Variants in CMIP observed in about 807,000 individuals in gnomAD.
The protein encoded by CMIP is c-Maf inducing protein.
In CMIP, 13 loss-of-function variants were observed where a neutral mutation model predicts 97.3. The observed-to-expected ratio is 0.13, with a 90% confidence interval of 0.09 to 0.21. The LOEUF (loss-of-function observed/expected upper bound fraction) is 0.21, where lower values mean the gene tolerates loss of function less well. CMIP is among the 10% of genes least tolerant of loss of function. The pLI is 1.00. For synonymous variants in CMIP, 538 were observed against 436.3 expected (o/e 1.23, Z -2.91); for missense variants, 847 against 1,024.9 (o/e 0.83, Z 2.37).
At chr16:81,487,996 C>T (rs898771742) in intron 1 of CMIP, among the ~76,000 whole-genome samples, 2 of 152,198 alleles carry the variant, frequency 1.3e-5, no homozygotes, top group Non-Finnish European at 2.9e-5. Flanking sequence ...GATGCCCTGG[C>T]AGCCTCGCAT....
intron 1 of CMIP, among the ~76,000 whole-genome samples, chr16:81,549,548 G>T (rs938167621): frequency 2.0e-5 from 3 of 151,770 alleles, no homozygotes; most frequent in Non-Finnish European, 3.0e-5. Context: ...TGTTGGGGGC[G>T]GGGGGCGGAG....
At position 81,652,606 on chromosome 16, in the gene CMIP, G is replaced by A. The variant is rs140429699; in HGVS notation, c.639+242G>A. On this transcript the variant is annotated intron_variant, in intron 4 of 20. Coordinates refer to ENST00000537098, the MANE Select transcript of CMIP (RefSeq NM_198390.3). This position sits in a 1 kb window ranked among gnomAD's most constrained non-coding sequence, Gnocchi z 5.2. ...GGCACCGAAGAGGAGGTGTTGCCCCGTGCAGTGAGAGCCAGTAGTCCCATC... is the reference window on the plus strand; with the variant it reads ...GGCACCGAAGAGGAGGTGTTGCCCCATGCAGTGAGAGCCAGTAGTCCCATC... Among the ~76,000 whole-genome samples the A allele has an allele frequency of 3.7e-4, 57 of 152,248 alleles. No homozygotes were observed. In the East Asian group the frequency reaches 6.0e-3, roughly 16 times the overall value.
At chr16:81,559,577 C>T (rs1256082533) in intron 1 of CMIP, among the ~76,000 whole-genome samples, 3 of 152,202 alleles carry the variant, frequency 2.0e-5, no homozygotes, top group African/African-American at 7.2e-5. Context: ...ATTCCTGTCA[C>T]CTACTCATGC....
intron 3 of CMIP, among the ~76,000 whole-genome samples, chr16:81,622,410 G>C (rs762670428): frequency 6.6e-6 from 1 of 152,176 alleles, no homozygotes; most frequent in Non-Finnish European, 1.5e-5. Flanking sequence ...GCCCGGGTAC[G>C]AGTGTGTCTG....
intron 1 of CMIP, among the ~76,000 whole-genome samples, chr16:81,503,994 A>T (rs2089658801): frequency 6.6e-6 from 1 of 152,208 alleles, no homozygotes; most frequent in South Asian, 2.1e-4. Flanking sequence ...TGGAGAGGTG[A>T]GGCTTGGGAA....
rs185864914 is a variant in CMIP at position 81,670,885 on chromosome 16, G to T, written c.929+640G>T. On this transcript the variant is annotated intron_variant, in intron 8 of 20. Transcript: ENST00000537098. Reference sequence around the variant, plus strand: ...GCTCTGTCACCCAGGCTGGAGTGCAGTGGCTCAGTCTCGGCTTACTGCAAC... The same window carrying T: ...GCTCTGTCACCCAGGCTGGAGTGCATTGGCTCAGTCTCGGCTTACTGCAAC... Among the ~76,000 whole-genome samples, 83 of 152,278 alleles carry T rather than the reference G, an allele frequency of 5.5e-4. 1 individual carries two copies. The East Asian group carries it at 0.014, about 26-fold the overall frequency.
At chr16:81,522,153 C>T (rs182204377) in intron 1 of CMIP, among the ~76,000 whole-genome samples, 30 of 152,336 alleles carry the variant, frequency 2.0e-4, no homozygotes, top group African/African-American at 7.2e-4. Flanking sequence ...TAGCTGGAAT[C>T]CTATCAACCC....
At chr16:81,656,167 C>T (rs56410439) in intron 4 of CMIP, among the ~76,000 whole-genome samples, 87 of 152,306 alleles carry the variant, frequency 5.7e-4, no homozygotes, top group Admixed American at 2.3e-3. Flanking sequence ...CCGGTAGAGA[C>T]TCATGTTGTT....
chr16:81,556,757 C>G (rs1016892288), intron 1 of CMIP, among the ~76,000 whole-genome samples: 2 of 152,224 alleles, frequency 1.3e-5, no homozygotes, highest in African/African-American at 4.8e-5. Flanking sequence ...AATTGGACAT[C>G]ACTTATACAC....
intron 7 of CMIP, among the ~76,000 whole-genome samples, chr16:81,669,179 C>T (rs369731410): frequency 1.7e-4 from 21 of 126,256 alleles, no homozygotes; most frequent in South Asian, 2.9e-4. Context: ...TCCTTCCACA[C>T]CCACCTCTCA....
chr16:81,475,489 GA>G (rs955796392), intron 1 of CMIP, among the ~76,000 whole-genome samples: 13 of 146,940 alleles, frequency 8.8e-5, no homozygotes, highest in African/African-American at 3.2e-4. Context: ...ATGTTTCCTA[GA>G]TTTTTTTTTT....
At chr16:81,709,333 A>G (rs1908500547) in intron 20 of CMIP, among the ~76,000 whole-genome samples, 1 of 152,082 alleles carries the variant, frequency 6.6e-6, no homozygotes, top group Admixed American at 6.5e-5. Context: ...TACATTTGGT[A>G]TTTAACCCCT....
chr16:81,708,626 T>C (rs918311815), intron 20 of CMIP, among the ~76,000 whole-genome samples: 20 of 152,236 alleles, frequency 1.3e-4, no homozygotes, highest in African/African-American at 4.8e-4. Context: ...GCCTGTCCTT[T>C]GGAGGAGGGG....
At chr16:81,686,389 T>G (rs12934449) in intron 10 of CMIP, among the ~76,000 whole-genome samples, 1 of 152,204 alleles carries the variant, frequency 6.6e-6, no homozygotes, top group Admixed American at 6.5e-5. Context: ...AACCCCAGGC[T>G]GCACCTGGGC....
intron 1 of CMIP, among the ~76,000 whole-genome samples, chr16:81,535,959 G>A (rs140196182): frequency 7.6e-4 from 116 of 152,280 alleles, no homozygotes; most frequent in African/African-American, 2.7e-3. Flanking sequence ...CTCCCAGAGA[G>A]AGTCGTGTCA....
chr16:81,516,699 T>C (rs1302473937), intron 1 of CMIP, among the ~76,000 whole-genome samples: 1 of 152,216 alleles, frequency 6.6e-6, no homozygotes, highest in Non-Finnish European at 1.5e-5. Flanking sequence ...AACTGTGGGC[T>C]CCCTGGGGGC....
At chr16:81,658,769 C>T (rs1202978569) in intron 5 of CMIP, among the ~76,000 whole-genome samples, 2 of 152,200 alleles carry the variant, frequency 1.3e-5, no homozygotes, top group Admixed American at 6.5e-5. Context: ...CCTTTTGTGC[C>T]CAGGAGGGGA....
At chr16:81,600,327 A>G (rs747421376) in intron 1 of CMIP, among the ~76,000 whole-genome samples, 112 of 152,000 alleles carry the variant, frequency 7.4e-4, no homozygotes, top group Non-Finnish European at 1.1e-3. Context: ...CACTATAGTC[A>G]AAAGATAGAG....
rs145569980 is a variant in CMIP at position 81,661,193 on chromosome 16, G to A, written c.744+247G>A. On this transcript the variant is annotated intron_variant, in intron 6 of 20. Transcript: ENST00000537098. ...TTTTCCTTGGAATCACTTCCCGGCT[G>A]TCTTAGGAGACAGGTTGCTGCAGAT... 1.1e-3 allele frequency among the ~76,000 whole-genome samples: 170 copies of A among 152,368 alleles called. 2 individuals carry two copies. Among genetic ancestry groups the A allele is most frequent in the African/African-American group, 3.7e-3 (155 of 41,584 alleles).
Sources: gnomAD v4.1 joint callset for allele counts (sites outside exome capture counted in the v4.1 genomes callset) on GRCh38, gnomAD v4.1.1 for gene constraint, Gnocchi (gnomAD v3.1) non-coding constraint, MANE v1.5 for transcripts, NCBI Gene and HGNC (gene_info 2026-07-23, HGNC 2026-07-21) for gene names.